Variants in NNMT observed in about 807,000 individuals in gnomAD.
The protein encoded by NNMT is nicotinamide N-methyltransferase.
Under a neutral mutation model 11.7 loss-of-function variants are expected in NNMT, and 10 were observed. The ratio of observed to expected loss-of-function variants is 0.85; its 90% confidence interval spans 0.53 to 1.45. The LOEUF is 1.45. Ranked by LOEUF, NNMT falls within the 40% of genes most tolerant of loss-of-function variation. The pLI is 0.00. For missense variants in NNMT, 381 were observed against 319.4 expected (o/e 1.19, Z -1.47); for synonymous variants, 143 against 133.8 (o/e 1.07, Z -0.48).
chr11:114,283,538 A>G (rs11214927), intron 2 of NNMT, among the ~76,000 whole-genome samples: 206 of 152,352 alleles, frequency 1.4e-3, no homozygotes, highest in Non-Finnish European at 2.4e-3. Context: ...ATATAATCAT[A>G]TGAGTGAATT....
chr11:114,295,419 C>CTTTTTTTT (rs35621813), upstream of NNMT, among the ~76,000 whole-genome samples: 3 of 85,048 alleles, frequency 3.5e-5, no homozygotes, highest in Non-Finnish European at 6.5e-5. Flanking sequence ...TTAAAGAATT[C>CTTTTTTTT]TTTTTTTTTT....
chr11:114,288,539 T>C (rs1433485877), intron 2 of NNMT, among the ~76,000 whole-genome samples: 1 of 152,118 alleles, frequency 6.6e-6, no homozygotes, highest in Non-Finnish European at 1.5e-5. Flanking sequence ...GAATGTTAAA[T>C]CACTTTGTAT....
rs562759597 is a variant in NNMT, at chr11:114,290,515, A to C, written c.-129-5913A>C. On this transcript the variant is annotated intron_variant, in intron 2 of 4. Coordinates refer to the NNMT transcript ENST00000535401. ...CAGTGAGGGAATGGGGAAGTGAGAC[A>C]GGGAAAGCAAGCAATCTGATGCAGG... Among the ~76,000 whole-genome samples the C allele has an allele frequency of 3.3e-5, 5 of 152,350 alleles. No individual in the cohort carries two copies. In the East Asian group the frequency reaches 9.6e-4, roughly 29 times the overall value.
In NNMT at chr11:114,312,764, C is replaced by T. The variant is rs192915437; in HGVS notation, c.*287C>T. 35 of 385,032 alleles carry T rather than the reference C, an allele frequency of 9.1e-5. No individual in the cohort carries two copies. The highest frequency in any genetic ancestry group is 8.9e-4 in the East Asian group (22 of 24,838). The allele number at this position is 385,032 out of a possible 1,614,324, so 23.9% of individuals were successfully genotyped here. ...CACTTCCCTAAACATCTAGTTATGG[C>T]GGCTCAAGCCCGTACCTGCCTACAG... On this transcript the variant is annotated 3_prime_UTR_variant, in exon 3 of 3. Coordinates refer to ENST00000299964, the MANE Select transcript of NNMT (RefSeq NM_006169.3).
chr11:114,266,750 G>A lies in NNMT; in HGVS notation c.-130+3816G>A, dbSNP rs149095456. Among the ~76,000 whole-genome samples, 74 of 152,276 alleles carry A rather than the reference G, an allele frequency of 4.9e-4. No homozygotes were observed. The South Asian group carries it at 0.015, about 31-fold the overall frequency. On this transcript the variant is annotated intron_variant, in intron 2 of 4. Coordinates refer to the NNMT transcript ENST00000535401. ...GAGTAGGTTTCTTACCTTGATAGTGGCTTTGTTAGAAAAACAAGCTCTCTC... is the reference window on the plus strand; with the variant it reads ...GAGTAGGTTTCTTACCTTGATAGTGACTTTGTTAGAAAAACAAGCTCTCTC...
At chr11:114,268,605 C>T (rs1055391907) in intron 2 of NNMT, among the ~76,000 whole-genome samples, 1 of 152,016 alleles carries the variant, frequency 6.6e-6, no homozygotes, top group African/African-American at 2.4e-5. Flanking sequence ...CCTGCCTCTA[C>T]TAAAATACAA....
chr11:114,309,965 C>A (rs2135284963), intron 2 of NNMT, among the ~76,000 whole-genome samples: 1 of 152,280 alleles, frequency 6.6e-6, no homozygotes, highest in South Asian at 2.1e-4. Flanking sequence ...AATTTCATTT[C>A]TTTTTGTTGC....
chr11:114,259,871 G>A (rs1294229335), intron 1 of NNMT, among the ~76,000 whole-genome samples: 3 of 152,128 alleles, frequency 2.0e-5, no homozygotes, highest in Admixed American at 1.3e-4. Flanking sequence ...ACTGTACACC[G>A]GCTGGCTGCA....
At chr11:114,271,512 C>T (rs1047314575) in intron 2 of NNMT, among the ~76,000 whole-genome samples, 7 of 152,192 alleles carry the variant, frequency 4.6e-5, no homozygotes, top group Non-Finnish European at 1.0e-4. Context: ...ATCCCCACTA[C>T]ATGTGTGGCT....
intron 2 of NNMT, among the ~76,000 whole-genome samples, chr11:114,299,916 A>G (rs901646830): frequency 3.3e-5 from 5 of 151,406 alleles, no homozygotes; most frequent in African/African-American, 7.3e-5. Flanking sequence ...GTCTTGATCA[A>G]CCTTGCTACA....
chr11:114,280,173 G>A (rs984880621), intron 2 of NNMT, among the ~76,000 whole-genome samples: 3 of 152,284 alleles, frequency 2.0e-5, no homozygotes, highest in Middle Eastern at 3.4e-3. Context: ...GGAAGGGAAG[G>A]CAGACAATGA....
At position 114,312,333 on chromosome 11, in the gene NNMT, C is replaced by T. The variant is rs139280792; in HGVS notation, c.651C>T (p.Gly217=). The T allele has an allele frequency of 1.9e-6, 3 of 1,614,206 alleles. No homozygotes were observed. Among genetic ancestry groups the T allele is most frequent in the South Asian group, 2.2e-5 (2 of 91,082 alleles). The change falls in exon 3 of 3, where the codon GGC becomes GGT. Residue 217 remains glycine, a synonymous_variant. Coordinates refer to ENST00000299964, the MANE Select transcript of NNMT (RefSeq NM_006169.3). ...AGAAGTTCTCCAGCCTCCCCCTGGG[C>T]CGGGAGGCAGTAGAGGCTGCTGTGA... ...GEQKFSSLPL[G]REAVEAAVKE...
chr11:114,281,543 G>A (rs1441505149), intron 2 of NNMT, among the ~76,000 whole-genome samples: 1 of 152,144 alleles, frequency 6.6e-6, no homozygotes, highest in Non-Finnish European at 1.5e-5. Flanking sequence ...AGGGAGGGAG[G>A]GCTTTTCAGG....
At chr11:114,301,514 A>G (rs1945438977) in intron 2 of NNMT, among the ~76,000 whole-genome samples, 1 of 152,204 alleles carries the variant, frequency 6.6e-6, no homozygotes, top group African/African-American at 2.4e-5. Flanking sequence ...AAAGAAGCCA[A>G]TCTTAAAAGG....
intron 2 of NNMT, among the ~76,000 whole-genome samples, chr11:114,266,640 G>T (rs187272810): frequency 2.7e-4 from 40 of 150,468 alleles, no homozygotes; most frequent in African/African-American, 8.6e-4. Context: ...CTGACCATCT[G>T]CTATGGTTTG....
intron 1 of NNMT, among the ~76,000 whole-genome samples, chr11:114,258,601 C>T (rs1015606757): frequency 6.6e-6 from 1 of 152,236 alleles, no homozygotes; most frequent in Non-Finnish European, 1.5e-5. Flanking sequence ...CACTTCCATC[C>T]TCTGCTTTGC....
chr11:114,263,945 C>G (rs977387012), intron 2 of NNMT, among the ~76,000 whole-genome samples: 4 of 152,168 alleles, frequency 2.6e-5, no homozygotes, highest in Non-Finnish European at 5.9e-5. Flanking sequence ...TGCCTGCCTT[C>G]AGGAGACAGG....
Position 114,309,867 on chromosome 11 carries a change from G to T in NNMT, c.363-2178G>T, listed in dbSNP as rs531853946. ...CCTTTTCTGGACATTTCATATAAAT[G>T]GAATCATACAATATGTGGCCTTTTG... On this transcript the variant is annotated intron_variant, in intron 2 of 2. Transcript: ENST00000299964. Among the ~76,000 whole-genome samples, 245 of 152,244 alleles carry T rather than the reference G, an allele frequency of 1.6e-3. 1 individual carries two copies. The highest frequency in any genetic ancestry group is 5.7e-3 in the African/African-American group (236 of 41,552).
At chr11:114,284,760 C>A (rs1429479117) in intron 2 of NNMT, among the ~76,000 whole-genome samples, 1 of 133,296 alleles carries the variant, frequency 7.5e-6, no homozygotes, top group East Asian at 2.2e-4. Context: ...CTGCACCCGG[C>A]CATCTTTTTT....
Sources: gnomAD v4.1 joint callset for allele counts (sites outside exome capture counted in the v4.1 genomes callset) on GRCh38, gnomAD v4.1.1 for gene constraint, MANE v1.5 for transcripts, NCBI Gene and HGNC (gene_info 2026-07-23, HGNC 2026-07-21) for gene names.